The following FBXO47 variants were observed in gnomAD, a reference collection of about 807,000 sequenced individuals.
The protein encoded by FBXO47 is F-box only protein 47.
Under a neutral mutation model 53.9 loss-of-function variants are expected in FBXO47, and 34 were observed. The ratio of observed to expected loss-of-function variants is 0.63; its 90% CI spans 0.48 to 0.84. FBXO47 has a LOEUF of 0.84. FBXO47 is among the 40% of genes least tolerant of loss of function. The pLI, the probability that FBXO47 is intolerant of heterozygous loss-of-function variation, is 0.00. For synonymous variants in FBXO47, 165 were observed against 181.6 expected (o/e 0.91, Z 0.73); for missense variants, 485 against 541.3 (o/e 0.90, Z 1.03).
rs1567716722 is a variant in FBXO47, at chr17:38,946,394, A to ATATATAAATATATAGATATATATATAAC, written c.617-1286_617-1259dup. Among the ~76,000 whole-genome samples the ATATATAAATATATAGATATATATATAAC allele has an allele frequency of 5.9e-4, 33 of 55,914 alleles. 3 individuals carry two copies. The highest frequency in any genetic ancestry group is 2.3e-3 in the African/African-American group (29 of 12,550). The allele number at this position is 55,914 out of a possible 152,430, so 36.7% of individuals were successfully genotyped here. A position where few individuals can be genotyped will look rare whatever the true frequency, so the allele number is the denominator to read the frequency against. On this transcript the variant is annotated intron_variant, in intron 6 of 10. Transcript: ENST00000378079. Reference sequence around the variant, plus strand: ...GATATATATATAAATATATATATCTATATATAAATATATAGATATATATAT... The same window carrying ATATATAAATATATAGATATATATATAAC: ...GATATATATATAAATATATATATCTATATATAAATATATAGATATATATATAACTATATAAATATATAGATATATATAT...
At chr17:38,946,335 T>TATATATAA (rs1261336452) in intron 6 of FBXO47, among the ~76,000 whole-genome samples, 1 of 91,076 alleles carries the variant, frequency 1.1e-5, no homozygotes. Flanking sequence ...AATATATAAA[T>TATATATAA]ATATATAAAT....
intron 7 of FBXO47, among the ~76,000 whole-genome samples, chr17:38,944,564 T>C (rs1904657506): frequency 6.6e-6 from 1 of 151,614 alleles, no homozygotes; most frequent in African/African-American, 2.4e-5. Context: ...TAGCCAGGCA[T>C]GGTGGCAGGC....
chr17:38,938,249 G>A (rs927650804), intron 10 of FBXO47, among the ~76,000 whole-genome samples: 3 of 152,156 alleles, frequency 2.0e-5, no homozygotes, highest in Admixed American at 6.5e-5. Context: ...GTGACAGTTG[G>A]TAAGTGAGCA....
In FBXO47 at chr17:38,947,027, T is replaced by TATAA. The variant is rs1245582402; in HGVS notation, c.617-1892_617-1891insTTAT. Among the ~76,000 whole-genome samples, 67 of 136,490 alleles carry TATAA rather than the reference T, an allele frequency of 4.9e-4. 1 individual carries two copies. Among genetic ancestry groups the TATAA allele is most frequent in the African/African-American group, 1.6e-3 (57 of 35,990 alleles). 89.5% of individuals were successfully genotyped at this position (136,490 alleles called of 152,430 possible). On this transcript the variant is annotated intron_variant, in intron 6 of 10. Coordinates refer to ENST00000378079, the MANE Select transcript of FBXO47 (RefSeq NM_001008777.3). ...ATATATGTAAATATATATAAACATA[T>TATAA]ACAAATATATGTAAATATATAAAAA...
At chr17:38,951,452 C>T (rs1905277659) in intron 6 of FBXO47, 129 bp downstream of exon 6, 3 of 632,352 alleles carry the variant, frequency 4.7e-6, no homozygotes, top group Admixed American at 6.4e-5. Context: ...CCTTGGCTTC[C>T]CAAAGTGCTG....
chr17:38,955,153 C>T (rs1286626006), intron 4 of FBXO47, among the ~76,000 whole-genome samples: 2 of 151,964 alleles, frequency 1.3e-5, no homozygotes, highest in Non-Finnish European at 2.9e-5. Flanking sequence ...TTTGGGAGGC[C>T]GAGGTGGGCA....
intron 6 of FBXO47, among the ~76,000 whole-genome samples, chr17:38,947,837 G>A (rs1443350945): frequency 6.6e-6 from 1 of 152,096 alleles, no homozygotes; most frequent in African/African-American, 2.4e-5. Flanking sequence ...TGTGAACCCG[G>A]GAGGCAGAGC....
intron 2 of FBXO47, among the ~76,000 whole-genome samples, chr17:38,962,643 A>ATAATAATAG (rs1555562497): frequency 1.4e-5 from 2 of 144,944 alleles, no homozygotes; most frequent in East Asian, 3.9e-4. Flanking sequence ...AATAATAGTA[A>ATAATAATAG]TAATAATAAT....
chr17:38,962,142 G>A (rs1176525011), intron 2 of FBXO47, 95 bp from the exon 3 acceptor site: 12 of 943,670 alleles, frequency 1.3e-5, no homozygotes, highest in South Asian at 1.9e-5. Context: ...TAACTCAATC[G>A]TCATCATTAT....
At position 38,946,175 on chromosome 17, in the gene FBXO47, AAT is replaced by A. The variant is rs576937607; in HGVS notation, c.617-1041_617-1040del. Among the ~76,000 whole-genome samples the A allele has an allele frequency of 2.0e-4, 23 of 115,254 alleles. No individual in the cohort carries two copies. The East Asian group carries it at 4.8e-3, about 24-fold the overall frequency. 75.6% of individuals were successfully genotyped at this position (115,254 alleles called of 152,430 possible). ...ACATAAAAATATATAAATATATAAA[AAT>A]ATATATAAATATATAAAAATATATA... is the stretch of plus-strand genomic sequence containing the variant. On this transcript the variant is annotated intron_variant, in intron 6 of 10. Transcript: ENST00000378079.
chr17:38,963,872 T>C (rs745344532), intron 1 of FBXO47, among the ~76,000 whole-genome samples: 7 of 146,522 alleles, frequency 4.8e-5, no homozygotes, highest in South Asian at 2.3e-4. Context: ...TGATAGCTCA[T>C]TGCAGTCTTG....
chr17:38,953,125 C>CCACACACA (rs768926649), intron 5 of FBXO47, among the ~76,000 whole-genome samples: 1,853 of 117,860 alleles, frequency 0.016, 29 homozygotes, highest in African/African-American at 0.024. Context: ...AAAAAAAAAA[C>CCACACACA]CACACACACA....
Position 38,951,638 on chromosome 17 carries a change from A to C in FBXO47, c.559T>G (p.Leu187Val), listed in dbSNP as rs1021048901. Residue 187 changes from leucine (L) to valine (V), a missense_variant, in exon 6 of 11, where the codon TTA becomes GTA. Transcript: ENST00000378079. Reference sequence around the variant, plus strand: ...CGGCAGAGATTAGTCAGTTCGCATAAGAAATTATAAACGCGATGGCACTCA... The same window carrying C: ...CGGCAGAGATTAGTCAGTTCGCATACGAAATTATAAACGCGATGGCACTCA... ...ELECHRVYNF[L>V]CELTNLCRKI... The C allele has an allele frequency of 6.2e-7, 1 of 1,614,036 alleles. No individual in the cohort carries two copies. Among genetic ancestry groups the C allele is most frequent in the African/African-American group, 1.3e-5 (1 of 74,950 alleles).
At chr17:38,954,023 T>C (rs1905433371) in intron 5 of FBXO47, among the ~76,000 whole-genome samples, 1 of 152,072 alleles carries the variant, frequency 6.6e-6, no homozygotes, top group Non-Finnish European at 1.5e-5. Context: ...TCGGGTGTGG[T>C]TGCTCACGCC....
chr17:38,946,969 T>C (rs183557119), intron 6 of FBXO47, among the ~76,000 whole-genome samples: 1,445 of 108,384 alleles, frequency 0.013, 57 homozygotes, highest in East Asian at 0.075. Context: ...TAAACATATA[T>C]AAATATATGT....
At chr17:38,943,067 A>G (rs1406613528) in intron 8 of FBXO47, 147 bp from the exon 9 acceptor site, 10 of 707,514 alleles carry the variant, frequency 1.4e-5, no homozygotes, top group Non-Finnish European at 2.3e-5. Flanking sequence ...TAGTTTTCCA[A>G]TTATGGCATT....
intron 6 of FBXO47, among the ~76,000 whole-genome samples, chr17:38,946,178 A>T (rs1422008405): frequency 8.6e-6 from 1 of 116,374 alleles, no homozygotes; most frequent in African/African-American, 3.4e-5. Flanking sequence ...ATATAAAAAT[A>T]TATATAAATA....
chr17:38,960,122 T>A (rs1905752066), intron 3 of FBXO47, among the ~76,000 whole-genome samples: 1 of 152,030 alleles, frequency 6.6e-6, no homozygotes. Context: ...CACAGCATTC[T>A]GAAAATCTTA....
intron 6 of FBXO47, among the ~76,000 whole-genome samples, chr17:38,948,195 T>G (rs1347982700): frequency 6.6e-6 from 1 of 150,408 alleles, no homozygotes; most frequent in East Asian, 2.0e-4. Context: ...TCCATGGATT[T>G]CCCTATTCTG....
Sources: gnomAD v4.1 joint callset for allele counts (sites outside exome capture counted in the v4.1 genomes callset) on GRCh38, gnomAD v4.1.1 for gene constraint, MANE v1.5 for transcripts, NCBI Gene and HGNC (gene_info 2026-07-23, HGNC 2026-07-21) for gene names.